RTF2: variants seen among roughly 807,000 people sequenced by gnomAD.
RTF2 encodes the protein UPF0549 protein C20orf43.
RTF2 carries 18 observed loss-of-function variants against 38.0 expected under a neutral mutation model. That is an observed-to-expected ratio of 0.47 (90% CI 0.33 to 0.70). RTF2 has a LOEUF of 0.70. Ranked by LOEUF, RTF2 falls within the 30% of genes least tolerant of loss-of-function variation. The pLI is 0.02. For missense variants in RTF2, 311 were observed against 379.6 expected (o/e 0.82, Z 1.50); for synonymous variants, 126 against 137.1 (o/e 0.92, Z 0.57).
intron 5 of RTF2, among the ~76,000 whole-genome samples, chr20:56,500,200 A>T (rs1163932430): frequency 6.6e-6 from 1 of 151,664 alleles, no homozygotes; most frequent in South Asian, 2.1e-4. Context: ...GATTACAGGC[A>T]TGCACCACCA....
At chr20:56,512,629 A>G (rs1217694405) in intron 5 of RTF2, among the ~76,000 whole-genome samples, 4 of 152,108 alleles carry the variant, frequency 2.6e-5, no homozygotes, top group African/African-American at 9.7e-5. Flanking sequence ...GGGCGCCCCC[A>G]AGGCTGCCGT....
chr20:56,475,314 C>G (rs1166695911), intron 3 of RTF2, among the ~76,000 whole-genome samples: 1 of 152,056 alleles, frequency 6.6e-6, no homozygotes, highest in Non-Finnish European at 1.5e-5. Context: ...CTAGTCAAAC[C>G]CTTCATCTCA....
chr20:56,516,232 A>G (rs2146383664), intron 6 of RTF2: 1 of 152,370 alleles, frequency 6.6e-6, no homozygotes, highest in East Asian at 1.9e-4. Flanking sequence ...GATGCTTAGG[A>G]AATTGACATT....
At chr20:56,482,887 C>T (rs1982594578) in intron 4 of RTF2, among the ~76,000 whole-genome samples, 1 of 152,214 alleles carries the variant, frequency 6.6e-6, no homozygotes, top group Non-Finnish European at 1.5e-5. Flanking sequence ...ACACCACACA[C>T]CCATATCCAC....
At chr20:56,474,123 A>G (rs1049499153) in intron 2 of RTF2, among the ~76,000 whole-genome samples, 72 of 152,222 alleles carry the variant, frequency 4.7e-4, no homozygotes, top group African/African-American at 1.7e-3. Flanking sequence ...AAATTTCCCA[A>G]TTAAAAAAAG....
chr20:56,473,358 A>G lies in RTF2; in HGVS notation c.127A>G (p.Ile43Val), dbSNP rs1397157728. Reference protein sequence around the residue: ...QWNYCTLSQEILRRPIVACEL... With the variant: ...QWNYCTLSQEVLRRPIVACEL... ...GAACTATTGTACTCTAAGTCAGGAA[A>G]TATTAAGACGACCAATAGTTGCCTG... is the stretch of plus-strand genomic sequence containing the variant. Residue 43 changes from isoleucine (I) to valine (V), a missense_variant, in exon 2 of 9, where the codon ATA becomes GTA. Physicochemically the swap from Ile to Val is conservative, Grantham distance 29. Transcript: ENST00000357348. 6.2e-7 allele frequency: 1 copy of G among 1,613,730 alleles called. No individual in the cohort carries two copies. The highest frequency in any genetic ancestry group is 1.3e-5 in the African/African-American group (1 of 74,922).
intron 5 of RTF2, among the ~76,000 whole-genome samples, chr20:56,509,914 A>G (rs893914185): frequency 6.6e-6 from 1 of 151,908 alleles, no homozygotes; most frequent in African/African-American, 2.4e-5. Context: ...TTATTTGGCA[A>G]TAAGAAGAAA....
intron 5 of RTF2, chr20:56,497,527 G>A (rs1191933365): frequency 6.9e-7 from 1 of 1,439,300 alleles, no homozygotes; most frequent in Non-Finnish European, 9.3e-7. Context: ...GCAGGAGTTG[G>A]ATTCCTTAAG....
At chr20:56,506,666 C>T (rs1226795379) in intron 5 of RTF2, among the ~76,000 whole-genome samples, 1 of 152,100 alleles carries the variant, frequency 6.6e-6, no homozygotes, top group Admixed American at 6.6e-5. Flanking sequence ...TTGCCCCAAA[C>T]TCTAACCATA....
intron 5 of RTF2, among the ~76,000 whole-genome samples, chr20:56,511,637 G>C (rs1180815784): frequency 1.3e-5 from 2 of 151,940 alleles, no homozygotes; most frequent in Non-Finnish European, 2.9e-5. Context: ...AACTCTCTGT[G>C]GGGGGGCCAT....
rs376559631 is a variant in RTF2 at position 56,517,032 on chromosome 20, C to T, written c.646+43C>T. 2.5e-6 allele frequency: 4 copies of T among 1,605,454 alleles called. No individual in the cohort carries two copies. In the Admixed American group the frequency reaches 6.7e-5, roughly 27 times the overall value. ...ATCCTTATTTTAGCAAAATGCGACT[C>T]TAGGGCAGTCTGCTAATATGTTCAT... is the stretch of plus-strand genomic sequence containing the variant. On this transcript the variant is annotated intron_variant, in intron 7 of 8. Coordinates refer to ENST00000357348, the MANE Select transcript of RTF2 (RefSeq NM_016407.5).
chr20:56,469,655 GA>G (rs1414118371), intron 1 of RTF2, among the ~76,000 whole-genome samples: 1 of 152,174 alleles, frequency 6.6e-6, no homozygotes, highest in Non-Finnish European at 1.5e-5. Flanking sequence ...TCAGGAGCTG[GA>G]GAGCTTGTTT....
At chr20:56,513,231 C>A in intron 5 of RTF2, 84 bp from the exon 6 acceptor site, 1 of 1,522,282 alleles carries the variant, frequency 6.6e-7, no homozygotes, top group Non-Finnish European at 8.9e-7. Flanking sequence ...GGGGCCACTG[C>A]TTGGGGCTGA....
chr20:56,515,593 G>GACACACACAC (rs756041230), intron 6 of RTF2: 2 of 113,978 alleles, frequency 1.8e-5, no homozygotes, highest in Non-Finnish European at 1.8e-5. Flanking sequence ...GAGAGAGAGA[G>GACACACACAC]AGAGAGACAC....
At chr20:56,476,625 G>A (rs917932062) in intron 3 of RTF2, among the ~76,000 whole-genome samples, 3 of 151,346 alleles carry the variant, frequency 2.0e-5, no homozygotes, top group Non-Finnish European at 4.4e-5. Flanking sequence ...TCAGCCTCCC[G>A]AGTAGCTGGG....
intron 1 of RTF2, among the ~76,000 whole-genome samples, chr20:56,472,916 G>T (rs1304618846): frequency 2.0e-5 from 3 of 152,128 alleles, no homozygotes; most frequent in Non-Finnish European, 4.4e-5. Flanking sequence ...GAGATGGGCG[G>T]ATCATTTGAG....
chr20:56,504,383 G>C (rs1333662744), intron 5 of RTF2: 1 of 152,228 alleles, frequency 6.6e-6, no homozygotes, highest in African/African-American at 2.4e-5. Flanking sequence ...GGATGAAATC[G>C]TGGCATTCAT....
At position 56,472,246 on chromosome 20, in the gene RTF2, C is replaced by A. The variant is rs1220056084; in HGVS notation, c.70-1055C>A. On this transcript the variant is annotated intron_variant, in intron 1 of 8. Coordinates refer to ENST00000357348, the MANE Select transcript of RTF2 (RefSeq NM_016407.5). The stretch of plus-strand genomic sequence containing the variant: ...AAAAAATAAATTAATAAAATAAATT[C>A]AGCAGGATTGTTTTTGTCTTCTTTT... 7.2e-6 allele frequency: 6 copies of A among 833,378 alleles called. No individual in the cohort carries two copies. In the African/African-American group the frequency reaches 1.0e-4, roughly 14 times the overall value. 51.6% of individuals were successfully genotyped at this position (833,378 alleles called of 1,614,324 possible).
intron 5 of RTF2, among the ~76,000 whole-genome samples, chr20:56,500,035 G>A (rs537472262): frequency 7.9e-5 from 12 of 151,666 alleles, no homozygotes; most frequent in African/African-American, 2.9e-4. Flanking sequence ...ACTGCGCCCG[G>A]CCTATTTGTT....
Sources: allele counts gnomAD v4.1 joint callset (sites outside exome capture counted in the v4.1 genomes callset), GRCh38; gene constraint gnomAD v4.1.1; transcripts MANE v1.5; gene names NCBI Gene and HGNC (gene_info 2026-07-23, HGNC 2026-07-21).